Variants in PCDHGB5 observed in about 807,000 individuals in gnomAD.
PCDHGB5 encodes protocadherin gamma-B5.
PCDHGB5 carries 48 observed loss-of-function variants against 62.9 expected under a neutral mutation model. That is an observed-to-expected ratio of 0.76 (90% CI 0.61 to 0.97). The LOEUF is 0.97. Among genes scored for constraint, PCDHGB5 ranks in the 50% least tolerant of loss-of-function variants. The probability of loss-of-function intolerance (pLI) is 0.00; values close to 1 mark genes in which losing one functional copy is unlikely to be tolerated. For missense variants in PCDHGB5, 1,118 were observed against 1,198.6 expected (o/e 0.93, Z 0.99); for synonymous variants, 474 against 511.2 (o/e 0.93, Z 0.98).
intron 2 of PCDHGB5, among the ~76,000 whole-genome samples, chr5:141,495,452 C>G (rs543717781): frequency 1.3e-5 from 2 of 152,356 alleles, no homozygotes; most frequent in South Asian, 2.1e-4. Context: ...TTGTCCTGCT[C>G]TCTGTCTGTG....
chr5:141,414,588 G>A, intron 1 of PCDHGB5: 1 of 1,613,872 alleles, frequency 6.2e-7, no homozygotes, highest in Non-Finnish European at 8.5e-7. Flanking sequence ...ACAACGCCAG[G>A]GGTGCCTCCA....
chr5:141,466,118 G>A lies in PCDHGB5; in HGVS notation c.2398-28689G>A, dbSNP rs1299389265. ...GCCTGGGCAACAGAGTGAGACTCCA[G>A]CTCAAAAAAAAAATCAAGTGAAAAC... On this transcript the variant is annotated intron_variant, in intron 1 of 3. Coordinates refer to ENST00000617380, the MANE Select transcript of PCDHGB5 (RefSeq NM_018925.3). Among the ~76,000 whole-genome samples the A allele has an allele frequency of 2.0e-5, 3 of 151,096 alleles. No individual in the cohort carries two copies. The East Asian group carries it at 5.8e-4, about 29-fold the overall frequency.
intron 1 of PCDHGB5, among the ~76,000 whole-genome samples, chr5:141,483,648 TTGTGTGTG>T (rs111458813): frequency 6.7e-6 from 1 of 149,592 alleles, no homozygotes; most frequent in Non-Finnish European, 1.5e-5. Flanking sequence ...GGGTGTGTGT[TTGTGTGTG>T]TGTGTGTGTG....
Position 141,491,712 on chromosome 5 carries a change from G to C in PCDHGB5, c.2398-3095G>C. 3.1e-6 allele frequency: 5 copies of C among 1,609,408 alleles called. No individual in the cohort carries two copies. Among genetic ancestry groups the C allele is most frequent in the Middle Eastern group, 1.7e-4 (1 of 6,024 alleles). ...GGGAGCGGAGCCAGGTGAGGGGCTCGGCGCCGCCCCGGGCGACCCCTGGGG... is the reference window on the plus strand; with the variant it reads ...GGGAGCGGAGCCAGGTGAGGGGCTCCGCGCCGCCCCGGGCGACCCCTGGGG... On this transcript the variant is annotated intron_variant, in intron 1 of 3. Transcript: ENST00000617380. The surrounding 1 kb of genome is among the most constrained non-coding windows in gnomAD (Gnocchi z 6.9).
intron 1 of PCDHGB5, chr5:141,428,334 C>T: frequency 1.6e-6 from 1 of 618,848 alleles, no homozygotes; most frequent in Non-Finnish European, 2.9e-6. Flanking sequence ...TTTCTATGCT[C>T]TTCTTCCTCG....
intron 1 of PCDHGB5, chr5:141,478,367 C>T (rs2099451272): frequency 1.2e-6 from 2 of 1,613,750 alleles, no homozygotes; most frequent in South Asian, 2.2e-5. Context: ...GCGGGGAGGC[C>T]TGATGTCGCC....
At chr5:141,426,922 T>C in intron 1 of PCDHGB5, 1 of 456,720 alleles carries the variant, frequency 2.2e-6, no homozygotes, top group Non-Finnish European at 4.4e-6. Flanking sequence ...CTGGAAGCAA[T>C]GGACATGGGT....
intron 1 of PCDHGB5, among the ~76,000 whole-genome samples, chr5:141,473,990 G>A (rs988540565): frequency 2.0e-5 from 3 of 152,130 alleles, no homozygotes; most frequent in African/African-American, 7.2e-5. Flanking sequence ...GATCCCTTGA[G>A]CCCAAGGAGC....
At chr5:141,415,772 T>TTTTTTTTG in intron 1 of PCDHGB5, 1 of 1,332,986 alleles carries the variant, frequency 7.5e-7, no homozygotes. Context: ...TTTTTTTTTT[T>TTTTTTTTG]ACTTTCTGGT....
In PCDHGB5 at chr5:141,408,237, G is replaced by C. The variant is rs1445060280; in HGVS notation, c.2397+7713G>C. 3.2e-6 allele frequency: 5 copies of C among 1,575,002 alleles called. No individual in the cohort carries two copies. In the South Asian group the frequency reaches 4.6e-5, roughly 14 times the overall value. On this transcript the variant is annotated intron_variant, in intron 1 of 3. Transcript: ENST00000617380. ...AGCTGCGCGCAGAGGCGCCGGGCCG[G>C]CCCGCGGCAGGTGCTATTTCCTTTG...
chr5:141,483,289 A>G (rs1446467890), intron 1 of PCDHGB5, among the ~76,000 whole-genome samples: 3 of 152,194 alleles, frequency 2.0e-5, no homozygotes, highest in Admixed American at 2.0e-4. Flanking sequence ...TCTGTCAGTC[A>G]TAAGTGAAGG....
intron 1 of PCDHGB5, among the ~76,000 whole-genome samples, chr5:141,448,344 A>G (rs2098583423): frequency 6.6e-6 from 1 of 152,080 alleles, no homozygotes; most frequent in Admixed American, 6.6e-5. Flanking sequence ...CATGTACCTC[A>G]ATCTTAGTAG....
intron 1 of PCDHGB5, among the ~76,000 whole-genome samples, chr5:141,454,657 C>T (rs554561906): frequency 5.1e-4 from 77 of 152,192 alleles, no homozygotes; most frequent in African/African-American, 1.7e-3. Flanking sequence ...CTGCCCACCT[C>T]GGCCTCCCAA....
chr5:141,419,304 G>T, intron 1 of PCDHGB5: 1 of 1,613,994 alleles, frequency 6.2e-7, no homozygotes, highest in Non-Finnish European at 8.5e-7. Context: ...CCAGACTTCG[G>T]GCTCAACGGC....
In PCDHGB5 at chr5:141,477,556, T is replaced by C. The variant is rs2099412953; in HGVS notation, c.2398-17251T>C. On this transcript the variant is annotated intron_variant, in intron 1 of 3. Transcript: ENST00000617380. The surrounding 1 kb of genome is among the most constrained non-coding windows in gnomAD (Gnocchi z 4.9). The stretch of plus-strand genomic sequence containing the variant: ...CCGGGGCTCCAATACTAAACCTAAG[T>C]GTCTGGGACCCCGACGCCCCGCAGA... 6.2e-7 allele frequency: 1 copy of C among 1,614,164 alleles called. No homozygotes were observed. The highest frequency in any genetic ancestry group is 1.1e-5 in the South Asian group (1 of 91,086).
At chr5:141,457,098 T>G (rs1179930043) in intron 1 of PCDHGB5, among the ~76,000 whole-genome samples, 1 of 152,242 alleles carries the variant, frequency 6.6e-6, no homozygotes, top group Non-Finnish European at 1.5e-5. Flanking sequence ...AGGATACTAA[T>G]TAAGCAAAAT....
At chr5:141,459,427 G>A (rs1489214494) in intron 1 of PCDHGB5, among the ~76,000 whole-genome samples, 2 of 152,228 alleles carry the variant, frequency 1.3e-5, no homozygotes, top group Non-Finnish European at 2.9e-5. Flanking sequence ...ATATCACAAT[G>A]TGTTCATTCA....
chr5:141,414,767 AGCTACAGAT>A, intron 1 of PCDHGB5: 2 of 1,614,190 alleles, frequency 1.2e-6, no homozygotes, highest in Middle Eastern at 1.6e-4. Flanking sequence ...CAGTTTCATG[AGCTACAGAT>A]GCAGGTGACA....
At chr5:141,403,102 G>T (rs765706858) in intron 1 of PCDHGB5, 1 of 1,614,046 alleles carries the variant, frequency 6.2e-7, no homozygotes, top group Admixed American at 1.7e-5. Context: ...ACATCTCCAA[G>T]GACCTGGCTC....
Sources: gnomAD v4.1 joint callset for allele counts (sites outside exome capture counted in the v4.1 genomes callset) on GRCh38, gnomAD v4.1.1 for gene constraint, Gnocchi (gnomAD v3.1) non-coding constraint, MANE v1.5 for transcripts, NCBI Gene and HGNC (gene_info 2026-07-23, HGNC 2026-07-21) for gene names.